Variants in ADAMTS19 observed in about 807,000 individuals in gnomAD.
ADAMTS19 encodes the protein ADAM metallopeptidase with thrombospondin type 1 motif 19.
A neutral mutation model predicts 153.3 loss-of-function variants in ADAMTS19; 93 were observed. That is an observed-to-expected ratio of 0.61 (90% CI 0.51 to 0.72). ADAMTS19 has a LOEUF of 0.72. ADAMTS19 is among the 30% of genes least tolerant of loss of function. The probability of loss-of-function intolerance (pLI) is 0.00; values close to 1 mark genes in which losing one functional copy is unlikely to be tolerated. For synonymous variants in ADAMTS19, 600 were observed against 556.6 expected, an observed-to-expected ratio of 1.08 and a Z score of -1.10; for missense variants, 1,482 against 1,552.1, an observed-to-expected ratio of 0.95 and a Z score of 0.76.
At chr5:129,677,270 G>A (rs1160406118) in intron 16 of ADAMTS19, among the ~76,000 whole-genome samples, 7 of 152,208 alleles carry the variant, frequency 4.6e-5, no homozygotes, top group African/African-American at 9.6e-5. Context: ...GAGGTCAGGA[G>A]TTCCAGACCA....
Position 129,461,932 on chromosome 5 carries a change from C to T in ADAMTS19, c.747+175C>T, listed in dbSNP as rs1749686526. On this transcript the variant is annotated intron_variant, in intron 2 of 22. Coordinates refer to ENST00000274487, the MANE Select transcript of ADAMTS19 (RefSeq NM_133638.6). The surrounding 1 kb of genome is among the most constrained non-coding windows in gnomAD (Gnocchi z 4.6). ...TGCCTCCCATGGAACATCTCCAGGG[C>T]AGTTGTGTAAATCGGAAGTTTAATT... 6.6e-6 allele frequency among the ~76,000 whole-genome samples: 1 copy of T among 152,226 alleles called. No individual in the cohort carries two copies. Among genetic ancestry groups the T allele is most frequent in the Non-Finnish European group, 1.5e-5 (1 of 68,042 alleles).
chr5:129,706,759 A>G (rs967180321), intron 21 of ADAMTS19, among the ~76,000 whole-genome samples: 6 of 152,096 alleles, frequency 3.9e-5, no homozygotes, highest in African/African-American at 1.4e-4. Flanking sequence ...GACAAATACT[A>G]TTACTTTTGG....
At chr5:129,658,349 GAA>G (rs1339470638) in intron 14 of ADAMTS19, among the ~76,000 whole-genome samples, 4 of 149,888 alleles carry the variant, frequency 2.7e-5, no homozygotes, top group South Asian at 2.1e-4. Context: ...AAGAAAGAAA[GAA>G]AGAAAGAAAG....
chr5:129,707,028 A>G (rs1008257675), intron 21 of ADAMTS19, among the ~76,000 whole-genome samples: 3 of 152,238 alleles, frequency 2.0e-5, no homozygotes, highest in Non-Finnish European at 4.4e-5. Context: ...AATAGCTTCA[A>G]CAAATACAGT....
intron 6 of ADAMTS19, among the ~76,000 whole-genome samples, chr5:129,551,094 T>C (rs1753074946): frequency 6.6e-6 from 1 of 151,730 alleles, no homozygotes. Flanking sequence ...ATATTATTAC[T>C]ACCTCTATCT....
intron 7 of ADAMTS19, among the ~76,000 whole-genome samples, chr5:129,583,521 A>G (rs1037537479): frequency 5.9e-5 from 9 of 151,764 alleles, no homozygotes; most frequent in African/African-American, 1.9e-4. Context: ...AGTTGGTCCC[A>G]TTCTCCCCGT....
chr5:129,702,941 A>AAAATATATAT, intron 20 of ADAMTS19, among the ~76,000 whole-genome samples: 10 of 29,304 alleles, frequency 3.4e-4, no homozygotes, highest in South Asian at 1.1e-3. Flanking sequence ...AAAAAAAAAA[A>AAAATATATAT]ATATATATAT....
chr5:129,568,072 A>C (rs1053206477), intron 7 of ADAMTS19, among the ~76,000 whole-genome samples: 6 of 152,200 alleles, frequency 3.9e-5, no homozygotes, highest in Admixed American at 2.6e-4. Context: ...AAATAAGGAC[A>C]TTATAAAATG....
Position 129,670,238 on chromosome 5 carries a change from T to C in ADAMTS19, c.2506+4659T>C, listed in dbSNP as rs573693712. ...TTATTTGTTTAAATTCTTGCTTTTCTAATGTCAATCTCCATTGTTAATTCT... is the reference window on the plus strand; with the variant it reads ...TTATTTGTTTAAATTCTTGCTTTTCCAATGTCAATCTCCATTGTTAATTCT... On this transcript the variant is annotated intron_variant, in intron 16 of 22. Transcript: ENST00000274487. Among the ~76,000 whole-genome samples the C allele has an allele frequency of 1.4e-3, 216 of 152,328 alleles. 1 individual carries two copies. The highest frequency in any genetic ancestry group is 0.012 in the Admixed American group (179 of 15,292).
intron 7 of ADAMTS19, among the ~76,000 whole-genome samples, chr5:129,590,369 T>C (rs1750061241): frequency 6.6e-6 from 1 of 152,150 alleles, no homozygotes; most frequent in South Asian, 2.1e-4. Flanking sequence ...TTTCTACGTG[T>C]TTTTAGCGAA....
chr5:129,677,515 A>G (rs1408579164), intron 16 of ADAMTS19, among the ~76,000 whole-genome samples: 2 of 152,048 alleles, frequency 1.3e-5, no homozygotes, highest in African/African-American at 4.8e-5. Flanking sequence ...TTGCTCCTCA[A>G]CTATGTTCTT....
At chr5:129,573,174 CT>C (rs1581099815) in intron 7 of ADAMTS19, among the ~76,000 whole-genome samples, 1 of 151,982 alleles carries the variant, frequency 6.6e-6, no homozygotes, top group African/African-American at 2.4e-5. Flanking sequence ...TTTTGTACCT[CT>C]TTTAATTGAC....
chr5:129,701,616 C>G, intron 20 of ADAMTS19, 24 bp downstream of exon 20: 1 of 1,611,102 alleles, frequency 6.2e-7, no homozygotes, highest in Non-Finnish European at 8.5e-7. Context: ...CCCTTTCTTT[C>G]CCCATTCCTA....
intron 3 of ADAMTS19, 31 bp from the exon 4 acceptor site, chr5:129,526,253 G>T: frequency 6.6e-7 from 1 of 1,521,536 alleles, no homozygotes; most frequent in Non-Finnish European, 8.8e-7. Context: ...CAATATGAAG[G>T]TGCATTGAAA....
intron 2 of ADAMTS19, among the ~76,000 whole-genome samples, chr5:129,489,007 A>C (rs931420919): frequency 2.0e-5 from 3 of 152,052 alleles, no homozygotes; most frequent in Non-Finnish European, 4.4e-5. Flanking sequence ...ATAATTTGAA[A>C]TCTTCCATCT....
intron 2 of ADAMTS19, among the ~76,000 whole-genome samples, chr5:129,485,891 A>T (rs1750574004): frequency 6.6e-6 from 1 of 152,146 alleles, no homozygotes; most frequent in East Asian, 1.9e-4. Context: ...TCCAGGTTCA[A>T]GTGATTCTCC....
chr5:129,516,593 T>TCCAAC (rs1751618892), intron 3 of ADAMTS19, among the ~76,000 whole-genome samples: 1 of 151,816 alleles, frequency 6.6e-6, no homozygotes, highest in Non-Finnish European at 1.5e-5. Context: ...TATAGTTGCT[T>TCCAAC]ATCGTGGCTA....
intron 9 of ADAMTS19, 79 bp downstream of exon 9, chr5:129,620,837 G>T: frequency 6.8e-7 from 1 of 1,475,524 alleles, no homozygotes; most frequent in Non-Finnish European, 9.2e-7. Flanking sequence ...AAGCCAGTGT[G>T]GCAAAGTGGA....
At chr5:129,497,364 C>A (rs1750958274) in intron 2 of ADAMTS19, among the ~76,000 whole-genome samples, 1 of 152,014 alleles carries the variant, frequency 6.6e-6, no homozygotes, top group South Asian at 2.1e-4. Context: ...CTTTCTCTAT[C>A]CTCTTTTACT....
Sources: gnomAD v4.1 joint callset for allele counts (sites outside exome capture counted in the v4.1 genomes callset) on GRCh38, gnomAD v4.1.1 for gene constraint, Gnocchi (gnomAD v3.1) non-coding constraint, MANE v1.5 for transcripts, NCBI Gene and HGNC (gene_info 2026-07-23, HGNC 2026-07-21) for gene names.